Variants in DNAJC3 observed in about 807,000 individuals in gnomAD.
DNAJC3 encodes the protein dnaJ homolog subfamily C member 3.
DNAJC3 carries 38 observed loss-of-function variants against 68.6 expected under a neutral mutation model. The ratio of observed to expected loss-of-function variants is 0.55; its 90% confidence interval spans 0.43 to 0.73. The LOEUF is 0.73. Ranked by LOEUF, DNAJC3 falls within the 30% of genes least tolerant of loss-of-function variation. The pLI, the probability that DNAJC3 is intolerant of heterozygous loss-of-function variation, is 0.00. For missense variants in DNAJC3, 526 were observed against 591.9 expected (o/e 0.89, Z 1.16); for synonymous variants, 203 against 204.0 (o/e 1.00, Z 0.04).
chr13:95,750,341 C>G (rs1358827796), intron 4 of DNAJC3, among the ~76,000 whole-genome samples: 2 of 151,480 alleles, frequency 1.3e-5, no homozygotes, highest in Non-Finnish European at 2.9e-5. Context: ...ATCTGATCTG[C>G]CCTTTAAGGT....
At chr13:95,772,257 C>T (rs1883179075) in intron 9 of DNAJC3, among the ~76,000 whole-genome samples, 1 of 152,206 alleles carries the variant, frequency 6.6e-6, no homozygotes, top group Non-Finnish European at 1.5e-5. Context: ...AAGGATATTT[C>T]ATTTCATGCA....
At chr13:95,742,626 C>T (rs766240975) in intron 4 of DNAJC3, 5 of 506,216 alleles carry the variant, frequency 9.9e-6, no homozygotes, top group Admixed American at 4.0e-5. Context: ...TCTTCTTCTT[C>T]TTCTTAGGTG....
chr13:95,770,746 A>G (rs1207073810), intron 9 of DNAJC3, among the ~76,000 whole-genome samples: 1 of 152,198 alleles, frequency 6.6e-6, no homozygotes, highest in Non-Finnish European at 1.5e-5. Context: ...CTGACTTTAA[A>G]TTGTTCAGCC....
chr13:95,722,174 G>C (rs1881344565), intron 2 of DNAJC3, among the ~76,000 whole-genome samples: 1 of 152,182 alleles, frequency 6.6e-6, no homozygotes, highest in African/African-American at 2.4e-5. Flanking sequence ...CTGATAAGCA[G>C]AGTAAAATTA....
intron 1 of DNAJC3, among the ~76,000 whole-genome samples, chr13:95,684,777 A>G (rs1446790712): frequency 6.6e-6 from 1 of 152,230 alleles, no homozygotes; most frequent in Non-Finnish European, 1.5e-5. Context: ...AGCTCCAGCC[A>G]TGGCTGAAAG....
At chr13:95,724,106 A>G (rs1881429326) in intron 3 of DNAJC3, among the ~76,000 whole-genome samples, 1 of 152,212 alleles carries the variant, frequency 6.6e-6, no homozygotes, top group Non-Finnish European at 1.5e-5. Flanking sequence ...TATTACTAAT[A>G]TTTTAAGATG....
At chr13:95,751,888 A>T (rs918362818) in intron 4 of DNAJC3, among the ~76,000 whole-genome samples, 17 of 152,216 alleles carry the variant, frequency 1.1e-4, no homozygotes, top group African/African-American at 3.9e-4. Flanking sequence ...GAGCATGTGC[A>T]GGTGAACTGC....
At chr13:95,710,543 T>C (rs1425717666) in intron 2 of DNAJC3, among the ~76,000 whole-genome samples, 1 of 152,192 alleles carries the variant, frequency 6.6e-6, no homozygotes, top group Non-Finnish European at 1.5e-5. Context: ...GATTTCCTTA[T>C]GAGTCACTGC....
intron 9 of DNAJC3, among the ~76,000 whole-genome samples, chr13:95,780,036 G>A (rs985646733): frequency 3.9e-5 from 6 of 152,136 alleles, no homozygotes; most frequent in Non-Finnish European, 7.4e-5. Flanking sequence ...CATGTAAGGC[G>A]TGCTGGGGCC....
At chr13:95,710,721 C>T (rs1035383416) in intron 2 of DNAJC3, among the ~76,000 whole-genome samples, 1 of 152,132 alleles carries the variant, frequency 6.6e-6, no homozygotes, top group Admixed American at 6.6e-5. Context: ...GGATCTTGCT[C>T]TGTCATCCAG....
chr13:95,791,780 TAA>T lies in DNAJC3; in HGVS notation c.*753_*754del, dbSNP rs1306424620. 6.6e-6 allele frequency: 1 copy of T among 152,208 alleles called. No individual in the cohort carries two copies. The highest frequency in any genetic ancestry group is 6.5e-5 in the Admixed American group (1 of 15,288). 9.4% of individuals were successfully genotyped at this position (152,208 alleles called of 1,614,324 possible). A position where few individuals can be genotyped will look rare whatever the true frequency, so the allele number is the denominator to read the frequency against. ...ACAACAAATTAAAAGTTGTTATAGG[TAA>T]AATAAGTTCAGATAAAATAGTGGTG... On this transcript the variant is annotated 3_prime_UTR_variant, in exon 12 of 12. Coordinates refer to ENST00000602402, the MANE Select transcript of DNAJC3 (RefSeq NM_006260.5).
chr13:95,767,251 C>T (rs142832917), intron 9 of DNAJC3, among the ~76,000 whole-genome samples: 37 of 152,154 alleles, frequency 2.4e-4, no homozygotes, highest in African/African-American at 8.4e-4. Flanking sequence ...ATGCTAGATC[C>T]TCACATAATG....
intron 1 of DNAJC3, among the ~76,000 whole-genome samples, chr13:95,689,699 T>A (rs996151119): frequency 1.4e-4 from 22 of 152,150 alleles, no homozygotes; most frequent in African/African-American, 5.3e-4. Flanking sequence ...GGTTGTTCAT[T>A]TGCGATCTTT....
At chr13:95,761,662 A>G (rs945058966) in intron 7 of DNAJC3, among the ~76,000 whole-genome samples, 1 of 152,070 alleles carries the variant, frequency 6.6e-6, no homozygotes, top group African/African-American at 2.4e-5. Flanking sequence ...TCTTGTTCCT[A>G]TCCCTTCCTT....
chr13:95,791,121 C>A lies in DNAJC3; in HGVS notation c.*91C>A. 1 of 1,468,158 alleles carries A rather than the reference C, an allele frequency of 6.8e-7. No individual in the cohort carries two copies. Among genetic ancestry groups the A allele is most frequent in the Non-Finnish European group, 9.3e-7 (1 of 1,073,356 alleles). 90.9% of individuals were successfully genotyped at this position (1,468,158 alleles called of 1,614,324 possible). On this transcript the variant is annotated 3_prime_UTR_variant, in exon 12 of 12. Transcript: ENST00000602402. ...ACCCTAATGAAAAAAAATTTCAAAT[C>A]TTTTCAGTTTGTCCATGACCAAAGA... is the stretch of plus-strand genomic sequence containing the variant.
At chr13:95,706,309 A>G (rs538718785) in intron 1 of DNAJC3, among the ~76,000 whole-genome samples, 1 of 152,326 alleles carries the variant, frequency 6.6e-6, no homozygotes, top group Non-Finnish European at 1.5e-5. Flanking sequence ...ATTCTAGTAA[A>G]ACTTTAGTTA....
At chr13:95,677,479 T>A in intron 1 of DNAJC3, 142 bp downstream of exon 1, 1 of 796,042 alleles carries the variant, frequency 1.3e-6, no homozygotes, top group Non-Finnish European at 1.8e-6. Flanking sequence ...GGCTTGGGCC[T>A]GAGCCCGCGC....
At chr13:95,739,317 T>G (rs1489814131) in intron 4 of DNAJC3, among the ~76,000 whole-genome samples, 1 of 151,360 alleles carries the variant, frequency 6.6e-6, no homozygotes, top group Non-Finnish European at 1.5e-5. Flanking sequence ...GTTGCTCTTC[T>G]CGAGGAGTAT....
chr13:95,762,062 A>C (rs1269425022), intron 7 of DNAJC3, among the ~76,000 whole-genome samples: 2 of 152,160 alleles, frequency 1.3e-5, no homozygotes, highest in Non-Finnish European at 2.9e-5. Context: ...TGGGAGTTTG[A>C]GACCAGCCTG....
Sources: gnomAD v4.1 joint callset for allele counts (sites outside exome capture counted in the v4.1 genomes callset) on GRCh38, gnomAD v4.1.1 for gene constraint, MANE v1.5 for transcripts, NCBI Gene and HGNC (gene_info 2026-07-23, HGNC 2026-07-21) for gene names.